Variants in CMSS1 observed in about 807,000 individuals in gnomAD.
The protein encoded by CMSS1 is protein CMSS1.
In CMSS1, 33 loss-of-function variants were observed where a neutral mutation model predicts 43.5. The observed-to-expected ratio is 0.76, with a 90% CI of 0.57 to 1.01. The LOEUF is 1.01. Among genes scored for constraint, CMSS1 ranks in the 50% least tolerant of loss-of-function variants. The probability of loss-of-function intolerance (pLI) is 0.00; values close to 1 mark genes in which losing one functional copy is unlikely to be tolerated. For missense variants in CMSS1, 313 were observed against 326.4 expected (o/e 0.96, Z 0.32); for synonymous variants, 115 against 117.2 (o/e 0.98, Z 0.12).
intron 1 of CMSS1, among the ~76,000 whole-genome samples, chr3:99,908,999 C>A (rs1020797669): frequency 1.3e-5 from 2 of 152,076 alleles, no homozygotes; most frequent in Admixed American, 1.3e-4. Context: ...GTTAACAACT[C>A]TATACTTAAA....
chr3:99,839,326 T>A (rs572871842), intron 1 of CMSS1, among the ~76,000 whole-genome samples: 3 of 152,220 alleles, frequency 2.0e-5, no homozygotes, highest in Non-Finnish European at 4.4e-5. Context: ...GGCACAATAA[T>A]GAGCAATATT....
rs759883566 is a variant in CMSS1 at position 100,146,995 on chromosome 3, A to C, written c.87A>C (p.Glu29Asp). The C allele has an allele frequency of 1.2e-6, 2 of 1,613,836 alleles. No homozygotes were observed. The highest frequency in any genetic ancestry group is 8.5e-7 in the Non-Finnish European group (1 of 1,179,768). Residue 29 changes from glutamate (E) to aspartate (D), a missense_variant, in exon 2 of 10, where the codon GAA becomes GAC. Transcript: ENST00000421999. ...SSPEASDGEG[E>D]GDTEVMQQET... ...TAGAAGCATCAGATGGTGAAGGAGA[A>C]GGAGACACAGAAGTGATGCAGCAGG... is the stretch of plus-strand genomic sequence containing the variant.
At chr3:99,876,177 C>T in intron 1 of CMSS1, 2 of 985,474 alleles carry the variant, frequency 2.0e-6, no homozygotes, top group African/African-American at 3.5e-5. Flanking sequence ...ACAATGCGAG[C>T]GGGGCGCTGA....
intron 1 of CMSS1, among the ~76,000 whole-genome samples, chr3:99,993,809 T>A (rs1180442080): frequency 1.3e-5 from 2 of 152,218 alleles, no homozygotes; most frequent in African/African-American, 4.8e-5. Flanking sequence ...CATCCTTGCA[T>A]CCCTGGGATA....
intron 1 of CMSS1, among the ~76,000 whole-genome samples, chr3:100,012,961 G>T (rs967548340): frequency 2.0e-5 from 3 of 151,676 alleles, no homozygotes; most frequent in African/African-American, 7.3e-5. Flanking sequence ...ATGTATGTAT[G>T]TATTTATTTA....
At chr3:99,988,822 A>G (rs1709430327) in intron 1 of CMSS1, among the ~76,000 whole-genome samples, 1 of 152,170 alleles carries the variant, frequency 6.6e-6, no homozygotes, top group Non-Finnish European at 1.5e-5. Context: ...CTGTTCTTTC[A>G]TTGGTAATTT....
chr3:100,098,630 C>T (rs144504671), intron 1 of CMSS1, among the ~76,000 whole-genome samples: 2 of 152,300 alleles, frequency 1.3e-5, no homozygotes, highest in African/African-American at 4.8e-5. Flanking sequence ...GCATATATTT[C>T]TTCCCTACTG....
At chr3:99,832,328 T>C (rs2107486316) in intron 1 of CMSS1, among the ~76,000 whole-genome samples, 1 of 149,864 alleles carries the variant, frequency 6.7e-6, no homozygotes, top group East Asian at 2.0e-4. Flanking sequence ...CCTCCCGGGC[T>C]CCCGCCATTC....
At chr3:100,051,688 A>G (rs2065376191) in intron 1 of CMSS1, among the ~76,000 whole-genome samples, 1 of 151,548 alleles carries the variant, frequency 6.6e-6, no homozygotes, top group South Asian at 2.1e-4. Context: ...ACATGAACTC[A>G]TCCTTTTTAT....
chr3:100,044,375 T>TA (rs1387130481), intron 1 of CMSS1, among the ~76,000 whole-genome samples: 3 of 151,930 alleles, frequency 2.0e-5, no homozygotes, highest in Admixed American at 1.3e-4. Flanking sequence ...AACACAGGGG[T>TA]AATCTGTCAA....
At position 100,160,497 on chromosome 3, in the gene CMSS1, G is replaced by A; in HGVS notation, c.221G>A (p.Arg74Lys). Residue 74 changes from arginine (R) to lysine (K), a missense_variant, in exon 3 of 10, where the codon AGA (arginine) becomes AAA (lysine). Physicochemically the swap from Arg to Lys is conservative, Grantham distance 26. Transcript: ENST00000421999. The stretch of plus-strand genomic sequence containing the variant: ...AATACCACCAAGACCAGGAAAAGAA[G>A]AAAGGTAATATTAATAATTTCTTAA... ...KENTTKTRKRRKKKITDVLAK... is the reference protein window; with the variant it reads ...KENTTKTRKRKKKKITDVLAK... The A allele has an allele frequency of 6.9e-7, 1 of 1,448,226 alleles. No individual in the cohort carries two copies. The highest frequency in any genetic ancestry group is 2.3e-5 in the East Asian group (1 of 43,798). 89.7% of individuals were successfully genotyped at this position (1,448,226 alleles called of 1,614,324 possible).
At chr3:99,854,106 T>C (rs1559660739) in intron 1 of CMSS1, among the ~76,000 whole-genome samples, 1 of 152,208 alleles carries the variant, frequency 6.6e-6, no homozygotes, top group African/African-American at 2.4e-5. Context: ...ATTTCTTGCC[T>C]TGTATCCAGG....
chr3:100,073,666 CTTG>C (rs1432619450), intron 1 of CMSS1, among the ~76,000 whole-genome samples: 2 of 152,126 alleles, frequency 1.3e-5, no homozygotes, highest in Non-Finnish European at 2.9e-5. Flanking sequence ...AGTAATAAAC[CTTG>C]AGGAAGCCTA....
intron 1 of CMSS1, chr3:100,115,018 T>C (rs1417702573): frequency 4.1e-6 from 6 of 1,468,800 alleles, no homozygotes; most frequent in Non-Finnish European, 5.5e-6. Context: ...TTATTATTAT[T>C]TGACATTTTG....
chr3:99,916,318 G>C (rs1706947766), intron 1 of CMSS1, among the ~76,000 whole-genome samples: 2 of 152,098 alleles, frequency 1.3e-5, no homozygotes, highest in Non-Finnish European at 2.9e-5. Context: ...TGATTTTCTA[G>C]CTTTCAGGTC....
intron 2 of CMSS1, among the ~76,000 whole-genome samples, chr3:100,153,347 T>C (rs2066938771): frequency 6.6e-6 from 1 of 152,268 alleles, no homozygotes; most frequent in Admixed American, 6.5e-5. Context: ...CACAGTATTA[T>C]TTAGATTCCT....
At chr3:99,983,389 AATATATATATATAT>A (rs397990626) in intron 1 of CMSS1, among the ~76,000 whole-genome samples, 11 of 40,798 alleles carry the variant, frequency 2.7e-4, no homozygotes, top group African/African-American at 8.2e-4. Context: ...TAAATAAATA[AATATATATATATAT>A]ATATATATAT....
intron 1 of CMSS1, among the ~76,000 whole-genome samples, chr3:100,070,533 T>A (rs1260390305): frequency 6.6e-6 from 1 of 152,190 alleles, no homozygotes; most frequent in African/African-American, 2.4e-5. Context: ...TTGTGCCAAT[T>A]TAAGTGGATG....
At chr3:99,939,577 A>G (rs1399693887) in intron 1 of CMSS1, among the ~76,000 whole-genome samples, 1 of 152,206 alleles carries the variant, frequency 6.6e-6, no homozygotes, top group East Asian at 1.9e-4. Context: ...AACACAACTA[A>G]AGCAGTGAAT....
Sources: allele counts gnomAD v4.1 joint callset (sites outside exome capture counted in the v4.1 genomes callset), GRCh38; gene constraint gnomAD v4.1.1; transcripts MANE v1.5; gene names NCBI Gene and HGNC (gene_info 2026-07-23, HGNC 2026-07-21).